The following ALDH1A1 variants were observed in gnomAD, a reference collection of about 807,000 sequenced individuals.
ALDH1A1 encodes aldehyde dehydrogenase 1A1.
ALDH1A1 carries 19 observed loss-of-function variants against 62.1 expected under a neutral mutation model. That is an observed-to-expected ratio of 0.31 (90% CI 0.21 to 0.45). ALDH1A1 has a LOEUF of 0.45. Among genes scored for constraint, ALDH1A1 ranks in the 20% least tolerant of loss-of-function variants. ALDH1A1 has a pLI of 1.00. For missense variants in ALDH1A1, 521 were observed against 607.1 expected (o/e 0.86, Z 1.49); for synonymous variants, 231 against 215.9 (o/e 1.07, Z -0.61).
At chr9:72,921,567 A>C (rs1295828762) in intron 7 of ALDH1A1, among the ~76,000 whole-genome samples, 1 of 133,056 alleles carries the variant, frequency 7.5e-6, no homozygotes, top group Non-Finnish European at 1.5e-5. Flanking sequence ...GTACATGTGC[A>C]CATTGTGCAG....
chr9:72,926,314 T>G (rs1450929382), intron 5 of ALDH1A1, among the ~76,000 whole-genome samples: 1 of 152,208 alleles, frequency 6.6e-6, no homozygotes, highest in Non-Finnish European at 1.5e-5. Flanking sequence ...TTTTATCGAT[T>G]TATTGGGACT....
At chr9:72,931,084 T>C (rs1830276391) in intron 2 of ALDH1A1, 65 bp from the exon 3 acceptor site, 2 of 1,587,498 alleles carry the variant, frequency 1.3e-6, no homozygotes, top group Non-Finnish European at 1.7e-6. Context: ...TTAATGCCAA[T>C]AACCCTGTAA....
At position 72,918,706 on chromosome 9, in the gene ALDH1A1, T is replaced by C. The variant is rs1398121901; in HGVS notation, c.850+14A>G. 1.3e-6 allele frequency: 2 copies of C among 1,527,388 alleles called. No individual in the cohort carries two copies. The highest frequency in any genetic ancestry group is 8.8e-7 in the Non-Finnish European group (1 of 1,131,138). The allele number at this position is 1,527,388 out of a possible 1,614,324, so 94.6% of individuals were successfully genotyped here. On this transcript the variant is annotated intron_variant, in intron 8 of 12. Coordinates refer to ENST00000297785, the MANE Select transcript of ALDH1A1 (RefSeq NM_000689.5). ...GATGAAGGACGAAAAGTTAACAAAG[T>C]GGTTTCTACTCACAGTCGGCATCAG...
chr9:72,921,240 CAAA>C (rs1025687679), intron 7 of ALDH1A1, among the ~76,000 whole-genome samples: 15 of 79,056 alleles, frequency 1.9e-4, no homozygotes, highest in African/African-American at 3.3e-4. Context: ...CGACTCCTCT[CAAA>C]AAAAAAAAAA....
At chr9:72,927,226 T>G in intron 4 of ALDH1A1, 49 bp from the exon 5 acceptor site, 1 of 1,373,848 alleles carries the variant, frequency 7.3e-7, no homozygotes. Context: ...GTATTTGACA[T>G]TCACAAAATG....
rs562582304 is a variant in ALDH1A1 at position 72,945,101 on chromosome 9, A to C, written c.67-4849T>G. Among the ~76,000 whole-genome samples the C allele has an allele frequency of 3.7e-4, 57 of 152,240 alleles. No homozygotes were observed. The South Asian group carries it at 0.012, about 31-fold the overall frequency. On this transcript the variant is annotated intron_variant, in intron 1 of 12. Transcript: ENST00000297785. ...GTGAAAAAAATTGCCTTTCCAGAGT[A>C]AAAGTTATTATGTCTTAATGTATTG...
chr9:72,952,747 G>C (rs1457052789), intron 1 of ALDH1A1, among the ~76,000 whole-genome samples, 188 bp downstream of exon 1: 2 of 152,018 alleles, frequency 1.3e-5, no homozygotes, highest in Non-Finnish European at 2.9e-5. Flanking sequence ...ATTTATGAAA[G>C]ATTGTCTGAT....
chr9:72,918,661 C>T, intron 8 of ALDH1A1, 59 bp downstream of exon 8: 1 of 308,494 alleles, frequency 3.2e-6, no homozygotes, highest in Non-Finnish European at 5.5e-6. Flanking sequence ...TCACTTTTGG[C>T]ATTATCAGAC....
At chr9:72,949,344 G>A (rs1830510419) in intron 1 of ALDH1A1, among the ~76,000 whole-genome samples, 1 of 151,900 alleles carries the variant, frequency 6.6e-6, no homozygotes, top group African/African-American at 2.4e-5. Flanking sequence ...ATGAAAGTCA[G>A]GATGAAGAAG....
chr9:72,910,174 T>C (rs1829964836), intron 10 of ALDH1A1, among the ~76,000 whole-genome samples: 1 of 152,148 alleles, frequency 6.6e-6, no homozygotes, highest in East Asian at 1.9e-4. Flanking sequence ...GATAAATGAA[T>C]AGGCAATGAT....
chr9:72,939,601 T>C (rs907675535), intron 2 of ALDH1A1, among the ~76,000 whole-genome samples: 2 of 151,146 alleles, frequency 1.3e-5, no homozygotes, highest in Non-Finnish European at 2.9e-5. Context: ...CACTGCAACC[T>C]CTGCCTCACG....
chr9:72,908,560 A>AAAGAAAGAAAAGAAAG (rs1829922656), intron 11 of ALDH1A1, among the ~76,000 whole-genome samples: 30 of 8,176 alleles, frequency 3.7e-3, no homozygotes, highest in Non-Finnish European at 8.7e-3. Flanking sequence ...AAGAAGAAAG[A>AAAGAAAGAAAAGAAAG]AAGAAAGAAA....
intron 11 of ALDH1A1, among the ~76,000 whole-genome samples, chr9:72,906,691 T>C (rs934506244): frequency 3.9e-5 from 6 of 152,328 alleles, no homozygotes; most frequent in African/African-American, 1.4e-4. Flanking sequence ...AAAATTAGAA[T>C]GCAGTTTTGC....
In ALDH1A1 at chr9:72,953,015, C is replaced by T. The variant is rs763318094; in HGVS notation, c.-15G>A. 3.1e-6 allele frequency: 5 copies of T among 1,612,910 alleles called. No homozygotes were observed. The Admixed American group carries it at 8.3e-5, about 27-fold the overall frequency. On this transcript the variant is annotated 5_prime_UTR_variant, in exon 1 of 13. Transcript: ENST00000297785. Reference sequence around the variant, plus strand: ...GAGGATGACATTTCTGATTCGGCTCCTGGAACACAGGTGACTGGCTCAGCA... The same window carrying T: ...GAGGATGACATTTCTGATTCGGCTCTTGGAACACAGGTGACTGGCTCAGCA...
At chr9:72,914,934 G>A (rs369326885) in intron 9 of ALDH1A1, among the ~76,000 whole-genome samples, 2 of 152,006 alleles carry the variant, frequency 1.3e-5, no homozygotes, top group Admixed American at 1.3e-4. Flanking sequence ...CCTGGATGAG[G>A]CAATAGGCTA....
chr9:72,930,232 T>C (rs1047328444), intron 3 of ALDH1A1, among the ~76,000 whole-genome samples: 17 of 152,160 alleles, frequency 1.1e-4, no homozygotes, highest in Non-Finnish European at 2.9e-5. Flanking sequence ...ATGCTCTGAC[T>C]CATCTAACTG....
intron 9 of ALDH1A1, among the ~76,000 whole-genome samples, chr9:72,916,205 C>T (rs1451423800): frequency 1.3e-5 from 2 of 152,090 alleles, no homozygotes; most frequent in Admixed American, 6.6e-5. Flanking sequence ...AAAATTGCCC[C>T]AGTTTAGAAT....
intron 7 of ALDH1A1, among the ~76,000 whole-genome samples, chr9:72,923,148 T>G (rs1830163353): frequency 6.6e-6 from 1 of 152,168 alleles, no homozygotes; most frequent in Non-Finnish European, 1.5e-5. Context: ...TAGTACCCAT[T>G]TGGACATCAT....
intron 11 of ALDH1A1, among the ~76,000 whole-genome samples, chr9:72,908,025 T>C (rs897489773): frequency 6.6e-6 from 1 of 152,104 alleles, no homozygotes; most frequent in African/African-American, 2.4e-5. Flanking sequence ...TAATTTGTGT[T>C]AATGTATACC....
Sources: gnomAD v4.1 joint callset for allele counts (sites outside exome capture counted in the v4.1 genomes callset) on GRCh38, gnomAD v4.1.1 for gene constraint, MANE v1.5 for transcripts, NCBI Gene and HGNC (gene_info 2026-07-23, HGNC 2026-07-21) for gene names.